ATP8A2: variants seen among roughly 807,000 people sequenced by gnomAD.
ATP8A2 encodes ATPase phospholipid transporting 8A2, also known as phospholipid-transporting ATPase IB.
In ATP8A2, 100 loss-of-function variants were observed where a neutral mutation model predicts 165.6. The ratio of observed to expected loss-of-function variants is 0.60; its 90% CI spans 0.51 to 0.71. ATP8A2 has a LOEUF of 0.71. ATP8A2 is among the 30% of genes least tolerant of loss of function. The pLI, the probability that ATP8A2 is intolerant of heterozygous loss-of-function variation, is 0.00. For missense variants in ATP8A2, 1,227 were observed against 1,479.5 expected, an observed-to-expected ratio of 0.83 and a Z score of 2.80; for synonymous variants, 543 against 548.8, an observed-to-expected ratio of 0.99 and a Z score of 0.15.
At chr13:25,658,184 C>A (rs2041975140) in intron 24 of ATP8A2, among the ~76,000 whole-genome samples, 1 of 152,142 alleles carries the variant, frequency 6.6e-6, no homozygotes, top group South Asian at 2.1e-4. Context: ...ATTTGGCTGT[C>A]ACTAAAAATT....
At chr13:25,537,515 C>T (rs2038324857) in intron 6 of ATP8A2, among the ~76,000 whole-genome samples, 2 of 152,136 alleles carry the variant, frequency 1.3e-5, no homozygotes, top group Non-Finnish European at 1.5e-5. Flanking sequence ...CCTTTATCCT[C>T]ATTATATAGA....
At chr13:25,427,119 G>A (rs1453479512) in intron 1 of ATP8A2, among the ~76,000 whole-genome samples, 9 of 152,178 alleles carry the variant, frequency 5.9e-5, no homozygotes, top group Non-Finnish European at 1.3e-4. Flanking sequence ...AGGCTGCAGA[G>A]CAGGAAGTGA....
At chr13:25,621,474 C>T (rs1254429639) in intron 24 of ATP8A2, among the ~76,000 whole-genome samples, 1 of 152,050 alleles carries the variant, frequency 6.6e-6, no homozygotes, top group Non-Finnish European at 1.5e-5. Context: ...TTCTTATATT[C>T]TATAATCTGT....
intron 27 of ATP8A2, among the ~76,000 whole-genome samples, chr13:25,799,325 A>G (rs749747447): frequency 1.1e-4 from 16 of 152,180 alleles, no homozygotes; most frequent in African/African-American, 2.9e-4. Flanking sequence ...CATCTTTCAC[A>G]TGGGAGTTTC....
chr13:25,563,971 C>T lies in ATP8A2; in HGVS notation c.1413C>T (p.Pro471=). The part of the protein sequence containing the change: ...SSDDFCRMPP[P]CSDSCDFDDP... Reference sequence around the variant, plus strand: ...TCTCTTACAGTCGGATGCCTCCTCCCTGTAGTGATTCCTGTGACTTTGATG... The same window carrying T: ...TCTCTTACAGTCGGATGCCTCCTCCTTGTAGTGATTCCTGTGACTTTGATG... The change falls in exon 16 of 37, where the codon CCC becomes CCT. Residue 471 remains proline (P), a synonymous_variant. Transcript: ENST00000381655. 6.2e-7 allele frequency: 1 copy of T among 1,612,340 alleles called. No homozygotes were observed. The highest frequency in any genetic ancestry group is 2.2e-5 in the East Asian group (1 of 44,858).
chr13:25,711,313 A>G (rs2043154157), intron 25 of ATP8A2, among the ~76,000 whole-genome samples: 1 of 151,948 alleles, frequency 6.6e-6, no homozygotes, highest in Non-Finnish European at 1.5e-5. Context: ...CCAGTCCTGT[A>G]GGTATTAATG....
intron 30 of ATP8A2, among the ~76,000 whole-genome samples, chr13:25,844,681 C>T (rs1250065303): frequency 6.6e-6 from 1 of 152,168 alleles, no homozygotes. Flanking sequence ...ACTCTCCCCT[C>T]CTGCAAGAGC....
intron 24 of ATP8A2, among the ~76,000 whole-genome samples, chr13:25,688,535 C>T (rs959852522): frequency 5.9e-5 from 9 of 152,134 alleles, no homozygotes; most frequent in African/African-American, 1.7e-4. Flanking sequence ...TAATAGAGTG[C>T]GCCACTGCCA....
At chr13:25,634,954 G>A (rs2041333718) in intron 24 of ATP8A2, among the ~76,000 whole-genome samples, 2 of 151,936 alleles carry the variant, frequency 1.3e-5, no homozygotes, top group Admixed American at 1.3e-4. Flanking sequence ...TTTTTGGATG[G>A]GGGAGAAGCT....
chr13:25,551,432 TG>T lies in ATP8A2; in HGVS notation c.988del (p.Val330Ter), dbSNP rs768931523. 1.2e-6 allele frequency: 2 copies of T among 1,614,136 alleles called. No individual in the cohort carries two copies. The highest frequency in any genetic ancestry group is 2.2e-5 in the South Asian group (2 of 91,074). On this transcript the variant is annotated frameshift_variant, in exon 11 of 37. Coordinates refer to ENST00000381655, the MANE Select transcript of ATP8A2 (RefSeq NM_016529.6). LOFTEE classifies it high-confidence loss of function. ...VLFGILLVMA[L>X]VSSAGALYWN... Reference sequence around the variant, plus strand: ...TTTGGCATCCTCTTGGTCATGGCCTTGGTGAGCTCGGCGGGGGCCCTGTACT... The same window carrying T: ...TTTGGCATCCTCTTGGTCATGGCCTTGTGAGCTCGGCGGGGGCCCTGTACT...
At chr13:25,511,320 A>G (rs1350952596) in intron 2 of ATP8A2, among the ~76,000 whole-genome samples, 4 of 152,210 alleles carry the variant, frequency 2.6e-5, no homozygotes, top group African/African-American at 4.8e-5. Flanking sequence ...AATATCCCAG[A>G]ATAATCTCTT....
intron 33 of ATP8A2, among the ~76,000 whole-genome samples, chr13:25,954,095 A>G (rs1453880056): frequency 6.6e-6 from 1 of 152,196 alleles, no homozygotes; most frequent in Non-Finnish European, 1.5e-5. Flanking sequence ...CCAACAAGCT[A>G]AGATCCACTG....
intron 1 of ATP8A2, among the ~76,000 whole-genome samples, chr13:25,409,928 T>C (rs892307421): frequency 6.6e-6 from 1 of 152,098 alleles, no homozygotes; most frequent in African/African-American, 2.4e-5. Context: ...CCTTCCAGTA[T>C]TGGCTGCTTT....
intron 25 of ATP8A2, among the ~76,000 whole-genome samples, chr13:25,719,473 G>GGATGGATGGATGGGTGGATT (rs2043327084): frequency 4.6e-5 from 7 of 151,500 alleles, no homozygotes; most frequent in Non-Finnish European, 5.9e-5. Context: ...ATGGGTGGAT[G>GGATGGATGGATGGGTGGATT]GATGGATGGA....
At chr13:25,720,646 G>A (rs1302961553) in intron 25 of ATP8A2, among the ~76,000 whole-genome samples, 2 of 152,162 alleles carry the variant, frequency 1.3e-5, no homozygotes, top group Non-Finnish European at 2.9e-5. Context: ...GTTTGCTGAT[G>A]ATGGCTCATC....
chr13:25,631,140 G>GA lies in ATP8A2; in HGVS notation c.2211+41447dup, dbSNP rs2041231047. Among the ~76,000 whole-genome samples, 3 of 152,096 alleles carry GA rather than the reference G, an allele frequency of 2.0e-5. No individual in the cohort carries two copies. In the South Asian group the frequency reaches 6.2e-4, roughly 32 times the overall value. ...GCAAATCCCAGGCAATGTTAAGTAA[G>GA]AAAAAACATACCTGTGGTTTTTGCA... is the stretch of plus-strand genomic sequence containing the variant. On this transcript the variant is annotated intron_variant, in intron 24 of 36. Transcript: ENST00000381655.
chr13:25,905,217 A>G (rs1358007610), intron 33 of ATP8A2, among the ~76,000 whole-genome samples: 1 of 152,126 alleles, frequency 6.6e-6, no homozygotes, highest in Non-Finnish European at 1.5e-5. Context: ...CTCTTTCCGC[A>G]GATAACCTCC....
chr13:26,017,245 G>A (rs999028172), intron 36 of ATP8A2, among the ~76,000 whole-genome samples: 1 of 152,156 alleles, frequency 6.6e-6, no homozygotes, highest in African/African-American at 2.4e-5. Flanking sequence ...AGCCAGTGAC[G>A]ACCCTGCCAT....
chr13:25,968,411 T>C (rs2139208102), intron 34 of ATP8A2, among the ~76,000 whole-genome samples, 164 bp from the exon 35 acceptor site: 1 of 152,258 alleles, frequency 6.6e-6, no homozygotes, highest in South Asian at 2.1e-4. Flanking sequence ...GCTGTGGAGA[T>C]GGAACCTGGG....
Sources: allele counts gnomAD v4.1 joint callset (sites outside exome capture counted in the v4.1 genomes callset), GRCh38; gene constraint gnomAD v4.1.1; transcripts MANE v1.5; gene names NCBI Gene and HGNC (gene_info 2026-07-23, HGNC 2026-07-21).